The following BCLAF1 variants were observed in gnomAD, a reference collection of about 807,000 sequenced individuals.
BCLAF1 encodes bcl-2-associated transcription factor 1.
A neutral mutation model predicts 99.5 loss-of-function variants in BCLAF1; 10 were observed. The ratio of observed to expected loss-of-function variants is 0.10; its 90% CI spans 0.06 to 0.17. The LOEUF (loss-of-function observed/expected upper bound fraction) is 0.17. Among genes scored for constraint, BCLAF1 ranks in the 10% least tolerant of loss-of-function variants. The probability of loss-of-function intolerance (pLI) is 1.00; values close to 1 mark genes in which losing one functional copy is unlikely to be tolerated. For synonymous variants in BCLAF1, 255 were observed against 370.9 expected (o/e 0.69, Z 3.59); for missense variants, 636 against 1,105.8 (o/e 0.58, Z 6.02).
rs1260414389 is a variant in BCLAF1, at chr6:136,277,936, A to G, written c.945T>C (p.Ser315=). The change falls in exon 4 of 13, where the codon TCT becomes TCC. Residue 315 remains serine, a synonymous_variant. Transcript: ENST00000531224. ...CAGGATAAAACGAGGAACGGCCCCT[A>G]GACTCATCTCTTGGAGCATTCTGTG... ...IAPQNAPRDE[S]RGRSSFYPDG... is the part of the protein sequence containing the mutation. 6.3e-7 allele frequency: 1 copy of G among 1,586,852 alleles called. No homozygotes were observed. The highest frequency in any genetic ancestry group is 1.8e-5 in the Admixed American group (1 of 54,878).
rs145737261 is a variant in BCLAF1, at chr6:136,288,770, T to C, written c.-115+943A>G. Among the ~76,000 whole-genome samples, 393 of 152,368 alleles carry C rather than the reference T, an allele frequency of 2.6e-3. 2 individuals carry two copies. The highest frequency in any genetic ancestry group is 9.0e-3 in the African/African-American group (376 of 41,582). ...ATCAAGCCAACTCATGAATTTAAAA[T>C]GAAGGCAAAGTCCAATTCGCCACTC... is the stretch of plus-strand genomic sequence containing the variant. On this transcript the variant is annotated intron_variant, in intron 1 of 12. Transcript: ENST00000531224.
At chr6:136,266,172 T>C (rs906055234) in intron 11 of BCLAF1, among the ~76,000 whole-genome samples, 5 of 151,970 alleles carry the variant, frequency 3.3e-5, no homozygotes, top group Admixed American at 1.3e-4. Flanking sequence ...AACCTCTAAG[T>C]AGGTATGTCA....
chr6:136,260,381 G>A lies in BCLAF1; in HGVS notation c.*729C>T, dbSNP rs1780811646. On this transcript the variant is annotated 3_prime_UTR_variant, in exon 13 of 13. Coordinates refer to ENST00000531224, the MANE Select transcript of BCLAF1 (RefSeq NM_014739.3). ...AGACCATGACTCAAACTATCAAATA[G>A]GAATAGAAAGAGAACACACAGTTTT... The A allele has an allele frequency of 6.6e-6, 1 of 151,938 alleles. No homozygotes were observed. Among genetic ancestry groups the A allele is most frequent in the Non-Finnish European group, 1.5e-5 (1 of 67,898 alleles). 9.4% of individuals were successfully genotyped at this position (151,938 alleles called of 1,614,324 possible). A position where few individuals can be genotyped will look rare whatever the true frequency, so the allele number is the denominator to read the frequency against.
In BCLAF1 at chr6:136,257,124, C is replaced by T. The variant is rs1032378046; in HGVS notation, c.*3986G>A. 1 of 152,118 alleles carries T rather than the reference C, an allele frequency of 6.6e-6. No homozygotes were observed. The highest frequency in any genetic ancestry group is 1.5e-5 in the Non-Finnish European group (1 of 68,022). 9.4% of individuals were successfully genotyped at this position (152,118 alleles called of 1,614,324 possible). On this transcript the variant is annotated 3_prime_UTR_variant, in exon 13 of 13. Transcript: ENST00000531224. The stretch of plus-strand genomic sequence containing the variant: ...GGGAAAGGCATTAAAGCCTGCTCAC[C>T]CAACCTTTTTCTATTTTCAAGAATA...
In BCLAF1 at chr6:136,259,682, A is replaced by AG. The variant is rs1340697974; in HGVS notation, c.*1427dup. The AG allele has an allele frequency of 1.9e-4, 29 of 152,022 alleles. 1 individual carries two copies. Among genetic ancestry groups the AG allele is most frequent in the Admixed American group, 8.5e-4 (13 of 15,254 alleles). The allele number at this position is 152,022 out of a possible 1,614,324, so 9.4% of individuals were successfully genotyped here. A position where few individuals can be genotyped will look rare whatever the true frequency, so the allele number is the denominator to read the frequency against. ...TAACCAATGTTCCTGGCTGTAATCT[A>AG]GGTGCTAGACGCACTGCAAATCCTC... is the stretch of plus-strand genomic sequence containing the variant. On this transcript the variant is annotated 3_prime_UTR_variant, in exon 13 of 13. Coordinates refer to ENST00000531224, the MANE Select transcript of BCLAF1 (RefSeq NM_014739.3).
At chr6:136,276,915 CAA>C (rs1562252922) in intron 4 of BCLAF1, among the ~76,000 whole-genome samples, 3 of 152,090 alleles carry the variant, frequency 2.0e-5, no homozygotes. Flanking sequence ...TTAATATAAA[CAA>C]GAGTTCACAC....
intron 1 of BCLAF1, among the ~76,000 whole-genome samples, chr6:136,289,041 G>C (rs1785561160): frequency 6.6e-6 from 1 of 152,148 alleles, no homozygotes; most frequent in African/African-American, 2.4e-5. Context: ...GCAGGTTGCC[G>C]CGGGTACCGA....
intron 2 of BCLAF1, among the ~76,000 whole-genome samples, chr6:136,281,845 G>T (rs866832837): frequency 6.6e-6 from 1 of 152,156 alleles, no homozygotes; most frequent in African/African-American, 2.4e-5. Context: ...AGCACAACAG[G>T]TATTTAATAA....
At chr6:136,281,056 A>G (rs1784330062) in intron 2 of BCLAF1, among the ~76,000 whole-genome samples, 1 of 152,310 alleles carries the variant, frequency 6.6e-6, no homozygotes, top group East Asian at 1.9e-4. Flanking sequence ...GAGTTCAGTT[A>G]TAGAAGAAGT....
intron 1 of BCLAF1, among the ~76,000 whole-genome samples, chr6:136,289,420 G>A (rs1186829312): frequency 5.3e-5 from 8 of 152,300 alleles, no homozygotes; most frequent in East Asian, 1.9e-4. Flanking sequence ...GGTGGAAGAG[G>A]AAGATATGCG....
chr6:136,284,130 G>GTGTATATATATATATA lies in BCLAF1; in HGVS notation c.-114-1444_-114-1443insTATATATATATATACA, dbSNP rs36141174. On this transcript the variant is annotated intron_variant, in intron 1 of 12. Coordinates refer to ENST00000531224, the MANE Select transcript of BCLAF1 (RefSeq NM_014739.3). ...TATACATATATATGTGTGTGTGTGT[G>GTGTATATATATATATA]TATATATATATATATATATATATAT... 1.5e-3 allele frequency among the ~76,000 whole-genome samples: 179 copies of GTGTATATATATATATA among 122,056 alleles called. 1 individual carries two copies. The highest frequency in any genetic ancestry group is 4.3e-3 in the African/African-American group (106 of 24,534). The allele number at this position is 122,056 out of a possible 152,430, so 80.1% of individuals were successfully genotyped here. A position where few individuals can be genotyped will look rare whatever the true frequency, so the allele number is the denominator to read the frequency against.
At chr6:136,286,630 G>T (rs1785169445) in intron 1 of BCLAF1, among the ~76,000 whole-genome samples, 1 of 152,128 alleles carries the variant, frequency 6.6e-6, no homozygotes, top group African/African-American at 2.4e-5. Flanking sequence ...TAATATTTTT[G>T]ATACAGCATT....
intron 10 of BCLAF1, among the ~76,000 whole-genome samples, chr6:136,267,533 G>A (rs933997691): frequency 2.6e-5 from 4 of 151,768 alleles, no homozygotes; most frequent in African/African-American, 9.7e-5. Flanking sequence ...CACCATACAA[G>A]CAAAGCTCTT....
intron 8 of BCLAF1, among the ~76,000 whole-genome samples, chr6:136,271,160 A>G (rs1358061618): frequency 1.3e-5 from 2 of 151,738 alleles, no homozygotes; most frequent in South Asian, 2.1e-4. Flanking sequence ...ATGCATTCTC[A>G]TTTTTCTAAT....
At chr6:136,289,448 G>T (rs969897776) in intron 1 of BCLAF1, among the ~76,000 whole-genome samples, 1 of 152,156 alleles carries the variant, frequency 6.6e-6, no homozygotes, top group Non-Finnish European at 1.5e-5. Flanking sequence ...ACGGGAGGCC[G>T]CGCGGGCTGT....
intron 11 of BCLAF1, among the ~76,000 whole-genome samples, chr6:136,262,093 T>A (rs1781088897): frequency 6.6e-6 from 1 of 152,162 alleles, no homozygotes; most frequent in Admixed American, 6.6e-5. Flanking sequence ...TTCATCAATC[T>A]AAAGTACTGC....
intron 11 of BCLAF1, among the ~76,000 whole-genome samples, chr6:136,264,264 T>C (rs749632831): frequency 1.7e-4 from 26 of 152,208 alleles, no homozygotes; most frequent in Non-Finnish European, 3.2e-4. Flanking sequence ...TGGAGTATAA[T>C]GGCGCAACCT....
chr6:136,256,894 C>T lies in BCLAF1; in HGVS notation c.*4216G>A, dbSNP rs1780509769. The T allele has an allele frequency of 1.3e-5, 2 of 152,224 alleles. No individual in the cohort carries two copies. Among genetic ancestry groups the T allele is most frequent in the Admixed American group, 1.3e-4 (2 of 15,280 alleles). The allele number at this position is 152,224 out of a possible 1,614,324, so 9.4% of individuals were successfully genotyped here. On this transcript the variant is annotated 3_prime_UTR_variant, in exon 13 of 13. Transcript: ENST00000531224. ...GAGTGGTATTTTTTATTTATTGTTGCTCTTCGCATTCCATGAAATTTGTAA... is the reference window on the plus strand; with the variant it reads ...GAGTGGTATTTTTTATTTATTGTTGTTCTTCGCATTCCATGAAATTTGTAA...
At chr6:136,288,774 G>C (rs1023481304) in intron 1 of BCLAF1, among the ~76,000 whole-genome samples, 4 of 152,210 alleles carry the variant, frequency 2.6e-5, no homozygotes, top group Admixed American at 6.5e-5. Context: ...TTAAAATGAA[G>C]GCAAAGTCCA....
Sources: gnomAD v4.1 joint callset for allele counts (sites outside exome capture counted in the v4.1 genomes callset) on GRCh38, gnomAD v4.1.1 for gene constraint, MANE v1.5 for transcripts, NCBI Gene and HGNC (gene_info 2026-07-23, HGNC 2026-07-21) for gene names.